CSMD1: variants seen among roughly 807,000 people sequenced by gnomAD.
The protein encoded by CSMD1 is CUB and Sushi multiple domains 1, also known as CUB and sushi domain-containing protein 1.
CSMD1 carries 213 observed loss-of-function variants against 417.5 expected under a neutral mutation model. The observed-to-expected ratio is 0.51, with a 90% CI of 0.46 to 0.57. The LOEUF (loss-of-function observed/expected upper bound fraction) is 0.57. CSMD1 is among the 20% of genes least tolerant of loss of function. The pLI, the probability that CSMD1 is intolerant of heterozygous loss-of-function variation, is 0.00. For synonymous variants in CSMD1, 2,862 were observed against 1,736.8 expected (o/e 1.65, Z -16.11); for missense variants, 6,923 against 4,529.7 (o/e 1.53, Z -15.17).
chr8:3,715,270 T>C (rs900716231), intron 6 of CSMD1, among the ~76,000 whole-genome samples: 1 of 152,190 alleles, frequency 6.6e-6, no homozygotes, highest in Non-Finnish European at 1.5e-5. Context: ...TGCTAATTAT[T>C]GTTAACGTGT....
At chr8:3,703,361 C>G (rs527767435) in intron 7 of CSMD1, among the ~76,000 whole-genome samples, 2 of 152,178 alleles carry the variant, frequency 1.3e-5, no homozygotes, top group South Asian at 4.2e-4. Context: ...TCACAAAAGA[C>G]TCATCAGATT....
chr8:3,498,523 G>A (rs1287265273), intron 10 of CSMD1, among the ~76,000 whole-genome samples: 3 of 152,104 alleles, frequency 2.0e-5, no homozygotes, highest in African/African-American at 7.2e-5. Flanking sequence ...TGAGCTTCCT[G>A]GATCTGAATG....
chr8:4,528,208 T>C (rs1563258676), intron 2 of CSMD1, among the ~76,000 whole-genome samples: 1 of 152,212 alleles, frequency 6.6e-6, no homozygotes, highest in Non-Finnish European at 1.5e-5. Flanking sequence ...TGTTTCCAAC[T>C]TTCTGTTCCA....
At chr8:4,818,558 C>G (rs966255307) in intron 1 of CSMD1, among the ~76,000 whole-genome samples, 12 of 152,178 alleles carry the variant, frequency 7.9e-5, no homozygotes, top group Non-Finnish European at 1.6e-4. Flanking sequence ...GAGACACACA[C>G]ACATGTGCAC....
chr8:3,509,178 G>T (rs1213182117), intron 10 of CSMD1, among the ~76,000 whole-genome samples: 4 of 152,156 alleles, frequency 2.6e-5, no homozygotes, highest in Admixed American at 6.5e-5. Flanking sequence ...TCTATGTCAA[G>T]AAAGTGATTG....
At chr8:3,401,602 C>T (rs1303535211) in intron 15 of CSMD1, among the ~76,000 whole-genome samples, 1 of 152,100 alleles carries the variant, frequency 6.6e-6, no homozygotes, top group Non-Finnish European at 1.5e-5. Flanking sequence ...ACTAACAGCC[C>T]TGCAACTGTA....
intron 5 of CSMD1, among the ~76,000 whole-genome samples, chr8:3,981,805 C>G (rs1445754122): frequency 6.6e-6 from 1 of 152,168 alleles, no homozygotes; most frequent in Non-Finnish European, 1.5e-5. Context: ...AGGCAGTTAG[C>G]AGAGCCTCAC....
intron 37 of CSMD1, among the ~76,000 whole-genome samples, chr8:3,178,115 G>C (rs547521910): frequency 4.1e-4 from 62 of 152,272 alleles, no homozygotes; most frequent in African/African-American, 1.5e-3. Context: ...GATTCTGTAA[G>C]ATCCCTGAGA....
At chr8:4,208,894 A>C (rs1310877455) in intron 3 of CSMD1, among the ~76,000 whole-genome samples, 2 of 152,136 alleles carry the variant, frequency 1.3e-5, no homozygotes, top group African/African-American at 4.8e-5. Context: ...AGATTTTCTT[A>C]AATTTCTTTT....
intron 1 of CSMD1, among the ~76,000 whole-genome samples, chr8:4,803,077 C>A (rs1455517138): frequency 6.6e-6 from 1 of 152,128 alleles, no homozygotes; most frequent in Non-Finnish European, 1.5e-5. Flanking sequence ...TATTGTGTTA[C>A]AGAAAAGTAC....
At chr8:3,834,973 A>G (rs1303219775) in intron 5 of CSMD1, among the ~76,000 whole-genome samples, 1 of 152,186 alleles carries the variant, frequency 6.6e-6, no homozygotes, top group African/African-American at 2.4e-5. Context: ...AAAAATGCTC[A>G]TCATCACTGG....
At chr8:4,712,502 A>C (rs531448360) in intron 1 of CSMD1, among the ~76,000 whole-genome samples, 132 of 152,330 alleles carry the variant, frequency 8.7e-4, no homozygotes, top group South Asian at 5.6e-3. Flanking sequence ...TGCTTGCAGG[A>C]AAATTTCCCT....
chr8:4,133,011 G>A (rs144698213), intron 3 of CSMD1, among the ~76,000 whole-genome samples: 1 of 152,102 alleles, frequency 6.6e-6, no homozygotes, highest in Non-Finnish European at 1.5e-5. Flanking sequence ...TCGGCTCACT[G>A]CAACCTCCGA....
At chr8:3,760,179 T>C (rs1584955642) in intron 5 of CSMD1, among the ~76,000 whole-genome samples, 1 of 152,106 alleles carries the variant, frequency 6.6e-6, no homozygotes, top group East Asian at 1.9e-4. Context: ...TTCTGGAGCA[T>C]CTCAATCTAG....
intron 18 of CSMD1, among the ~76,000 whole-genome samples, chr8:3,375,407 C>A (rs1019868943): frequency 2.6e-5 from 4 of 151,980 alleles, no homozygotes; most frequent in South Asian, 2.1e-4. Context: ...TCTTTTTTTC[C>A]ATCATTTTCT....
At chr8:4,472,779 A>C (rs1800608338) in intron 2 of CSMD1, among the ~76,000 whole-genome samples, 1 of 152,028 alleles carries the variant, frequency 6.6e-6, no homozygotes, top group South Asian at 2.1e-4. Context: ...TTATTTTAAA[A>C]TACCATTCAA....
At chr8:3,896,954 A>AAATCTGCTT (rs1391574657) in intron 5 of CSMD1, among the ~76,000 whole-genome samples, 1 of 151,930 alleles carries the variant, frequency 6.6e-6, no homozygotes, top group Non-Finnish European at 1.5e-5. Context: ...ACCCCTAATG[A>AAATCTGCTT]AATCTGCTTA....
chr8:3,935,739 G>T (rs1593488), intron 5 of CSMD1, among the ~76,000 whole-genome samples: 3 of 151,866 alleles, frequency 2.0e-5, no homozygotes, highest in African/African-American at 7.3e-5. Context: ...ATTGGGCCTC[G>T]CTATTCCGTG....
intron 28 of CSMD1, among the ~76,000 whole-genome samples, chr8:3,222,555 C>T (rs956212505): frequency 6.6e-6 from 1 of 152,138 alleles, no homozygotes; most frequent in Non-Finnish European, 1.5e-5. Flanking sequence ...AAGTGCTCCC[C>T]ATCTTGGCCT....
Sources: gnomAD v4.1 joint callset for allele counts (sites outside exome capture counted in the v4.1 genomes callset) on GRCh38, gnomAD v4.1.1 for gene constraint, MANE v1.5 for transcripts, NCBI Gene and HGNC (gene_info 2026-07-23, HGNC 2026-07-21) for gene names.